SLIT2: variants seen among roughly 807,000 people sequenced by gnomAD.
The protein encoded by SLIT2 is slit homolog 2 protein.
In SLIT2, 41 loss-of-function variants were observed where a neutral mutation model predicts 185.7. That is an observed-to-expected ratio of 0.22 (90% CI 0.17 to 0.29). The LOEUF (loss-of-function observed/expected upper bound fraction) is 0.29, where lower values mean the gene tolerates loss of function less well. Among genes scored for constraint, SLIT2 ranks in the 10% least tolerant of loss-of-function variants. The pLI, the probability that SLIT2 is intolerant of heterozygous loss-of-function variation, is 1.00. For synonymous variants in SLIT2, 693 were observed against 680.2 expected (o/e 1.02, Z -0.29); for missense variants, 1,571 against 1,909.0 (o/e 0.82, Z 3.30).
intron 4 of SLIT2, among the ~76,000 whole-genome samples, chr4:20,381,035 C>G (rs1023840107): frequency 2.6e-5 from 4 of 152,038 alleles, no homozygotes; most frequent in Admixed American, 2.6e-4. Context: ...GGGTGGATCA[C>G]CTGAAGTCAG....
At position 20,484,503 on chromosome 4, in the gene SLIT2, C is replaced by T. The variant is rs1221530940; in HGVS notation, c.540-1697C>T. On this transcript the variant is annotated intron_variant, in intron 6 of 36. Transcript: ENST00000504154. The surrounding 1 kb of genome is among the most constrained non-coding windows in gnomAD (Gnocchi z 4.3). ...AGAATAGTTCTTATATAATTCAATA[C>T]ATTGCAAAACAAGGTGGTAAAGAGG... Among the ~76,000 whole-genome samples the T allele has an allele frequency of 6.6e-6, 1 of 152,018 alleles. No individual in the cohort carries two copies. Among genetic ancestry groups the T allele is most frequent in the Non-Finnish European group, 1.5e-5 (1 of 67,966 alleles).
intron 16 of SLIT2, among the ~76,000 whole-genome samples, chr4:20,531,018 C>T (rs910618052): frequency 1.3e-5 from 2 of 150,892 alleles, no homozygotes; most frequent in Admixed American, 6.6e-5. Flanking sequence ...GAAATTGAAA[C>T]CCTCATACAT....
chr4:20,534,254 T>C (rs1722069983), intron 18 of SLIT2, among the ~76,000 whole-genome samples: 1 of 152,188 alleles, frequency 6.6e-6, no homozygotes, highest in South Asian at 2.1e-4. Context: ...CTACTGTTTT[T>C]TGCCCCTGCA....
At chr4:20,340,084 T>A (rs1438454519) in intron 4 of SLIT2, among the ~76,000 whole-genome samples, 1 of 152,220 alleles carries the variant, frequency 6.6e-6, no homozygotes, top group Non-Finnish European at 1.5e-5. Flanking sequence ...TTAAAATTTT[T>A]AAATTTGCTT....
intron 26 of SLIT2, among the ~76,000 whole-genome samples, chr4:20,556,381 G>A (rs140874594): frequency 6.6e-6 from 1 of 151,880 alleles, no homozygotes; most frequent in Non-Finnish European, 1.5e-5. Context: ...TGTGCCCAGC[G>A]ATACTCATAC....
At chr4:20,558,922 C>A (rs652756) in intron 26 of SLIT2, among the ~76,000 whole-genome samples, 112,004 of 151,828 alleles carry the variant, frequency 0.74, 42,544 homozygotes, top group East Asian at 0.97. Flanking sequence ...TTTTATTTAC[C>A]TTTAAACTGA....
intron 25 of SLIT2, among the ~76,000 whole-genome samples, chr4:20,553,337 G>A (rs1380788918): frequency 1.3e-5 from 2 of 152,044 alleles, no homozygotes; most frequent in Non-Finnish European, 2.9e-5. Flanking sequence ...AAACTTCTTT[G>A]CATCTGTGAG....
At chr4:20,341,113 C>G (rs1231878544) in intron 4 of SLIT2, among the ~76,000 whole-genome samples, 1 of 152,154 alleles carries the variant, frequency 6.6e-6, no homozygotes. Flanking sequence ...CAAGTTGCCA[C>G]TAGTACCCCA....
intron 4 of SLIT2, among the ~76,000 whole-genome samples, chr4:20,416,063 T>A (rs1436998502): frequency 6.6e-6 from 1 of 152,194 alleles, no homozygotes; most frequent in Non-Finnish European, 1.5e-5. Flanking sequence ...AGATTTTATG[T>A]GTATAAATCT....
At chr4:20,419,511 T>C (rs1727983524) in intron 4 of SLIT2, among the ~76,000 whole-genome samples, 1 of 152,122 alleles carries the variant, frequency 6.6e-6, no homozygotes, top group African/African-American at 2.4e-5. Flanking sequence ...TGATTTCAGA[T>C]CTGGAATACA....
intron 4 of SLIT2, among the ~76,000 whole-genome samples, chr4:20,408,564 GT>G: frequency 6.6e-6 from 1 of 152,078 alleles, no homozygotes; most frequent in Non-Finnish European, 1.5e-5. Context: ...AAGAACCTTC[GT>G]TTTTTGTGAT....
Position 20,616,906 on chromosome 4 carries a change from C to T in SLIT2, c.3848-4C>T. On this transcript the variant is annotated splice_polypyrimidine_tract_variant and splice_region_variant and intron_variant, in intron 34 of 36. Transcript: ENST00000504154. ...CTGACCTCTGACCTGGTGTTCCTCC[C>T]CAGGCATGCCAGGGAAGAGTAACGT... is the stretch of plus-strand genomic sequence containing the variant. 1 of 1,586,006 alleles carries T rather than the reference C, an allele frequency of 6.3e-7. No individual in the cohort carries two copies. The highest frequency in any genetic ancestry group is 8.6e-7 in the Non-Finnish European group (1 of 1,159,924).
At chr4:20,415,463 G>A (rs1421060073) in intron 4 of SLIT2, among the ~76,000 whole-genome samples, 2 of 150,844 alleles carry the variant, frequency 1.3e-5, no homozygotes, top group Non-Finnish European at 2.9e-5. Context: ...ATGCTGGGAG[G>A]TACAGCTTGG....
intron 11 of SLIT2, 26 bp downstream of exon 11, chr4:20,511,163 G>T: frequency 7.0e-7 from 1 of 1,427,484 alleles, no homozygotes; most frequent in Non-Finnish European, 9.8e-7. Context: ...GTCACTGAAG[G>T]AAAAGAGAAG....
At chr4:20,472,258 C>CTATATATCTA (rs1560452492) in intron 5 of SLIT2, among the ~76,000 whole-genome samples, 483 of 31,088 alleles carry the variant, frequency 0.016, 40 homozygotes, top group East Asian at 0.095. Flanking sequence ...ATATATAGAT[C>CTATATATCTA]TATATATAGA....
chr4:20,474,268 A>T (rs1001421502), intron 5 of SLIT2, among the ~76,000 whole-genome samples: 3 of 151,966 alleles, frequency 2.0e-5, no homozygotes, highest in African/African-American at 7.2e-5. Flanking sequence ...TCATATATAT[A>T]AAAAAATTAG....
chr4:20,594,167 ATATATGTATGTACATGTGTG>A (rs1201681252), intron 30 of SLIT2, among the ~76,000 whole-genome samples: 1 of 149,716 alleles, frequency 6.7e-6, no homozygotes, highest in Non-Finnish European at 1.5e-5. Context: ...GTATGTGTGT[ATATATGTATGTACATGTGTG>A]TATATACATA....
intron 26 of SLIT2, among the ~76,000 whole-genome samples, chr4:20,554,929 C>T (rs1245276288): frequency 6.6e-6 from 1 of 152,054 alleles, no homozygotes; most frequent in East Asian, 1.9e-4. Flanking sequence ...GCCAACATAC[C>T]CAGCTAATTT....
intron 4 of SLIT2, chr4:20,392,080 C>T (rs761622964): frequency 6.6e-6 from 1 of 151,946 alleles, no homozygotes. Context: ...GATGGAGATA[C>T]ATTCTGAGAA....
Sources: allele counts gnomAD v4.1 joint callset (sites outside exome capture counted in the v4.1 genomes callset), GRCh38; gene constraint gnomAD v4.1.1; non-coding constraint Gnocchi (gnomAD v3.1); transcripts MANE v1.5; gene names NCBI Gene and HGNC (gene_info 2026-07-23, HGNC 2026-07-21).